SH3PXD2A: variants seen among roughly 807,000 people sequenced by gnomAD.
The protein encoded by SH3PXD2A is SH3 and PX domains 2A, also known as SH3 and PX domain-containing protein 2A.
A neutral mutation model predicts 115.2 loss-of-function variants in SH3PXD2A; 32 were observed. The ratio of observed to expected loss-of-function variants is 0.28; its 90% CI spans 0.21 to 0.37. The LOEUF (loss-of-function observed/expected upper bound fraction) is 0.37, where lower values mean the gene tolerates loss of function less well. Among genes scored for constraint, SH3PXD2A ranks in the 10% least tolerant of loss-of-function variants. The pLI, the probability that SH3PXD2A is intolerant of heterozygous loss-of-function variation, is 1.00. For missense variants in SH3PXD2A, 1,328 were observed against 1,498.7 expected (o/e 0.89, Z 1.88); for synonymous variants, 610 against 629.1 (o/e 0.97, Z 0.45).
intron 8 of SH3PXD2A, among the ~76,000 whole-genome samples, chr10:103,630,307 C>T (rs1484586661): frequency 6.6e-6 from 1 of 152,204 alleles, no homozygotes; most frequent in South Asian, 2.1e-4. Context: ...CCAGGAAGCA[C>T]CAGTCCCAGC....
intron 2 of SH3PXD2A, among the ~76,000 whole-genome samples, chr10:103,770,574 G>A (rs1339677325): frequency 1.3e-5 from 2 of 152,222 alleles, no homozygotes. Context: ...CACACAGAAT[G>A]AACTCTTACT....
At chr10:103,714,136 C>G (rs1238983766) in intron 5 of SH3PXD2A, among the ~76,000 whole-genome samples, 2 of 152,196 alleles carry the variant, frequency 1.3e-5, no homozygotes, top group Non-Finnish European at 2.9e-5. Flanking sequence ...CACAGGGGAA[C>G]CAAGACCCAC....
chr10:103,726,714 G>A (rs143251602), intron 4 of SH3PXD2A, among the ~76,000 whole-genome samples: 2 of 152,262 alleles, frequency 1.3e-5, no homozygotes, highest in Admixed American at 1.3e-4. Context: ...TTATAATATT[G>A]AGGAAGAGGA....
At chr10:103,716,956 C>A (rs1243524601) in intron 5 of SH3PXD2A, among the ~76,000 whole-genome samples, 2 of 152,212 alleles carry the variant, frequency 1.3e-5, no homozygotes, top group Admixed American at 6.5e-5. Flanking sequence ...GTCCCCATCC[C>A]ACCATGATGG....
At chr10:103,733,365 G>A (rs1467076403) in intron 4 of SH3PXD2A, among the ~76,000 whole-genome samples, 3 of 152,200 alleles carry the variant, frequency 2.0e-5, no homozygotes, top group African/African-American at 7.2e-5. Flanking sequence ...AACTGCAGAT[G>A]CCTTGGGCTG....
chr10:103,685,874 C>G (rs2134115845), intron 6 of SH3PXD2A, among the ~76,000 whole-genome samples: 1 of 152,310 alleles, frequency 6.6e-6, no homozygotes, highest in East Asian at 1.9e-4. Flanking sequence ...TCGTCCCCTC[C>G]TGGGTCTCAC....
chr10:103,618,421 TAA>T (rs1473148271), intron 10 of SH3PXD2A, among the ~76,000 whole-genome samples: 1 of 152,194 alleles, frequency 6.6e-6, no homozygotes, highest in African/African-American at 2.4e-5. Flanking sequence ...GCTGGCTGGC[TAA>T]AGAGTCCTTG....
intron 8 of SH3PXD2A, among the ~76,000 whole-genome samples, chr10:103,640,873 C>A (rs942525108): frequency 2.0e-5 from 3 of 152,124 alleles, no homozygotes; most frequent in South Asian, 2.1e-4. Flanking sequence ...ACAGCTGAGA[C>A]CTCCAGGCCC....
intron 2 of SH3PXD2A, among the ~76,000 whole-genome samples, chr10:103,795,797 C>T (rs1322247798): frequency 2.6e-5 from 4 of 151,658 alleles, no homozygotes; most frequent in Non-Finnish European, 5.9e-5. Context: ...TCAATGTGTC[C>T]CAGAGCTGGC....
chr10:103,691,662 C>T (rs11818611), intron 6 of SH3PXD2A, among the ~76,000 whole-genome samples: 2,810 of 152,188 alleles, frequency 0.018, 87 homozygotes, highest in African/African-American at 0.063. Context: ...GCACACACAC[C>T]TCATCCCACA....
chr10:103,655,771 TAAAAAAAA>T (rs60526548), intron 8 of SH3PXD2A, among the ~76,000 whole-genome samples: 1 of 46,188 alleles, frequency 2.2e-5, no homozygotes, highest in African/African-American at 8.7e-5. Flanking sequence ...AGACCCTGTC[TAAAAAAAA>T]AAAAAAAAAA....
At chr10:103,768,177 T>C (rs781775353) in intron 2 of SH3PXD2A, among the ~76,000 whole-genome samples, 6 of 152,252 alleles carry the variant, frequency 3.9e-5, no homozygotes, top group Non-Finnish European at 5.9e-5. Flanking sequence ...TCAGGGAGTT[T>C]ACACTCCGGT....
At chr10:103,820,372 T>G (rs2039365776) in intron 1 of SH3PXD2A, among the ~76,000 whole-genome samples, 1 of 152,152 alleles carries the variant, frequency 6.6e-6, no homozygotes, top group African/African-American at 2.4e-5. Flanking sequence ...AGAAGGGACC[T>G]GCCAAGCTGG....
chr10:103,688,624 T>C (rs976296492), intron 6 of SH3PXD2A, among the ~76,000 whole-genome samples: 3 of 152,128 alleles, frequency 2.0e-5, no homozygotes, highest in Non-Finnish European at 4.4e-5. Context: ...AAAGGCCACG[T>C]AGAAGAATGT....
intron 2 of SH3PXD2A, among the ~76,000 whole-genome samples, chr10:103,789,383 G>T (rs1207100941): frequency 6.6e-6 from 1 of 152,194 alleles, no homozygotes; most frequent in Non-Finnish European, 1.5e-5. Context: ...GATGACTCTG[G>T]ATTTTCCCCT....
At chr10:103,835,900 C>G (rs958127321) in intron 1 of SH3PXD2A, among the ~76,000 whole-genome samples, 2 of 152,174 alleles carry the variant, frequency 1.3e-5, no homozygotes, top group African/African-American at 4.8e-5. Context: ...AGAGGGAGGC[C>G]CCTTTCAGCA....
intron 3 of SH3PXD2A, chr10:103,750,028 C>T (rs7098795): frequency 0.096 from 14,560 of 152,274 alleles, 740 homozygotes; most frequent in South Asian, 0.14. Context: ...TCCTGGCCCA[C>T]AGAGACTATG....
chr10:103,723,415 G>C (rs374687636), intron 5 of SH3PXD2A, among the ~76,000 whole-genome samples: 1 of 152,172 alleles, frequency 6.6e-6, no homozygotes, highest in African/African-American at 2.4e-5. Flanking sequence ...CCTATGCTGG[G>C]GACTGCAGGT....
At chr10:103,603,983 C>T (rs2036261630) in intron 14 of SH3PXD2A, among the ~76,000 whole-genome samples, 194 bp from the exon 15 acceptor site, 1 of 152,174 alleles carries the variant, frequency 6.6e-6, no homozygotes, top group South Asian at 2.1e-4. Context: ...AGGTCTCTAT[C>T]ATCTCATGGT....
Sources: gnomAD v4.1 joint callset for allele counts (sites outside exome capture counted in the v4.1 genomes callset) on GRCh38, gnomAD v4.1.1 for gene constraint, MANE v1.5 for transcripts, NCBI Gene and HGNC (gene_info 2026-07-23, HGNC 2026-07-21) for gene names.